The following LHFPL2 variants were observed in gnomAD, a reference collection of about 807,000 sequenced individuals.
The protein encoded by LHFPL2 is LHFPL tetraspan subfamily member 2 protein.
A neutral mutation model predicts 17.5 loss-of-function variants in LHFPL2; 7 were observed. That is an observed-to-expected ratio of 0.40 (90% CI 0.23 to 0.75). The LOEUF (loss-of-function observed/expected upper bound fraction) is 0.75. Among genes scored for constraint, LHFPL2 ranks in the 30% least tolerant of loss-of-function variants. The pLI is 0.37. For synonymous variants in LHFPL2, 134 were observed against 116.2 expected (o/e 1.15, Z -0.99); for missense variants, 241 against 294.8 (o/e 0.82, Z 1.34).
At chr5:78,521,341 G>A (rs1172179679) in intron 3 of LHFPL2, among the ~76,000 whole-genome samples, 1 of 152,204 alleles carries the variant, frequency 6.6e-6, no homozygotes, top group Non-Finnish European at 1.5e-5. Flanking sequence ...GGCAATTTCT[G>A]ATGAGTATTT....
At chr5:78,527,545 T>G (rs2112352429) in intron 3 of LHFPL2, among the ~76,000 whole-genome samples, 1 of 151,978 alleles carries the variant, frequency 6.6e-6, no homozygotes, top group Middle Eastern at 3.4e-3. Flanking sequence ...CAGCCTCCCA[T>G]CTCGTTATTT....
chr5:78,574,824 G>A (rs1037929159), intron 2 of LHFPL2, among the ~76,000 whole-genome samples: 1 of 152,202 alleles, frequency 6.6e-6, no homozygotes, highest in Non-Finnish European at 1.5e-5. Context: ...TGAAGTGAAG[G>A]CTATTCATGC....
intron 2 of LHFPL2, among the ~76,000 whole-genome samples, chr5:78,623,317 T>C (rs1744923745): frequency 6.6e-6 from 1 of 152,218 alleles, no homozygotes; most frequent in Admixed American, 6.5e-5. Context: ...ATCACATTAT[T>C]TTCATTTTAT....
At chr5:78,502,579 G>A (rs1754806375) in intron 4 of LHFPL2, among the ~76,000 whole-genome samples, 3 of 152,156 alleles carry the variant, frequency 2.0e-5, no homozygotes, top group Admixed American at 2.0e-4. Context: ...TCATCAGACA[G>A]GCAGGATCAC....
intron 4 of LHFPL2, among the ~76,000 whole-genome samples, chr5:78,494,158 G>C (rs945794924): frequency 6.6e-6 from 1 of 152,160 alleles, no homozygotes; most frequent in Non-Finnish European, 1.5e-5. Flanking sequence ...TTTGTGTGTT[G>C]TGAAGGGCAA....
At chr5:78,521,348 A>C (rs1188844670) in intron 3 of LHFPL2, among the ~76,000 whole-genome samples, 2 of 152,240 alleles carry the variant, frequency 1.3e-5, no homozygotes, top group East Asian at 3.8e-4. Context: ...TCTGATGAGT[A>C]TTTTTATTAA....
At chr5:78,640,689 A>AG (rs1745632751) in intron 1 of LHFPL2, among the ~76,000 whole-genome samples, 1 of 152,238 alleles carries the variant, frequency 6.6e-6, no homozygotes, top group South Asian at 2.1e-4. Flanking sequence ...TCATAGCCCC[A>AG]TTAAGATAAC....
chr5:78,499,602 G>A (rs1224723496), intron 4 of LHFPL2, among the ~76,000 whole-genome samples: 1 of 152,218 alleles, frequency 6.6e-6, no homozygotes, highest in African/African-American at 2.4e-5. Context: ...AGGAGAGACT[G>A]ATATGCATTC....
At chr5:78,613,701 T>C (rs1744497068) in intron 2 of LHFPL2, among the ~76,000 whole-genome samples, 1 of 152,204 alleles carries the variant, frequency 6.6e-6, no homozygotes, top group Non-Finnish European at 1.5e-5. Context: ...GGACTATCCA[T>C]GTCTATTTCA....
intron 2 of LHFPL2, among the ~76,000 whole-genome samples, chr5:78,618,236 C>T (rs561568304): frequency 1.3e-5 from 2 of 152,088 alleles, no homozygotes; most frequent in Middle Eastern, 3.4e-3. Context: ...GGAAGACCAA[C>T]GAACTGTCTC....
Position 78,487,067 on chromosome 5 carries a change from C to T in LHFPL2, c.*1830G>A, listed in dbSNP as rs1754271629. ...GGTTTCCTAGGCTGCTATGAAGATA[C>T]CCGTTTTTTTCTTCACCAAAATCAC... On this transcript the variant is annotated 3_prime_UTR_variant, in exon 5 of 5. Coordinates refer to ENST00000380345, the MANE Select transcript of LHFPL2 (RefSeq NM_005779.3). 3.3e-5 allele frequency: 5 copies of T among 152,242 alleles called. No individual in the cohort carries two copies. The South Asian group carries it at 1.0e-3, about 32-fold the overall frequency. 9.4% of individuals were successfully genotyped at this position (152,242 alleles called of 1,614,324 possible). A position where few individuals can be genotyped will look rare whatever the true frequency, so the allele number is the denominator to read the frequency against.
At chr5:78,565,959 A>G (rs1756849002) in intron 2 of LHFPL2, among the ~76,000 whole-genome samples, 1 of 152,222 alleles carries the variant, frequency 6.6e-6, no homozygotes, top group African/African-American at 2.4e-5. Context: ...TTTAAAAATG[A>G]TTAGGCTTAT....
chr5:78,513,894 T>C (rs942101688), intron 3 of LHFPL2, among the ~76,000 whole-genome samples: 8 of 152,158 alleles, frequency 5.3e-5, no homozygotes, highest in African/African-American at 1.9e-4. Context: ...ATCAGCAGTG[T>C]AAAAACGGAC....
rs1754350627 is a variant in LHFPL2 at position 78,489,076 on chromosome 5, A to G, written c.508T>C (p.Tyr170His). ...TCTCCAGGTTTGTAGGCAGATGCAT[A>G]ATGTCCACAGTAGTCTATGGCCTTC... The part of the protein sequence containing the change: ...CQKAIDYCGH[Y>H]ASAYKPGDCS... The change falls in exon 5 of 5, where the codon TAT becomes CAT. Residue 170 changes from tyrosine (Y) to histidine (H), a missense_variant. Physicochemically the swap from Tyr to His is moderately conservative, Grantham distance 83. Transcript: ENST00000380345. The G allele has an allele frequency of 3.1e-6, 5 of 1,614,218 alleles. No individual in the cohort carries two copies. The highest frequency in any genetic ancestry group is 4.2e-6 in the Non-Finnish European group (5 of 1,180,030).
chr5:78,538,889 A>G (rs915420246), intron 3 of LHFPL2, among the ~76,000 whole-genome samples: 1 of 152,184 alleles, frequency 6.6e-6, no homozygotes, highest in African/African-American at 2.4e-5. Flanking sequence ...CCTAGCACCA[A>G]CCACACACCA....
chr5:78,507,739 T>C (rs1369313137), intron 4 of LHFPL2, among the ~76,000 whole-genome samples: 3 of 151,946 alleles, frequency 2.0e-5, no homozygotes, highest in African/African-American at 4.8e-5. Flanking sequence ...ATAAAGCCCA[T>C]AATAAAGGCA....
chr5:78,633,931 A>T (rs1317794162), intron 1 of LHFPL2, among the ~76,000 whole-genome samples: 1 of 152,126 alleles, frequency 6.6e-6, no homozygotes, highest in Non-Finnish European at 1.5e-5. Context: ...GTCGCCCTGG[A>T]AGGCTCCATG....
chr5:78,509,733 G>A, intron 4 of LHFPL2, 51 bp downstream of exon 4: 2 of 1,556,346 alleles, frequency 1.3e-6, no homozygotes, highest in Admixed American at 1.7e-5. Context: ...GCGCTGCACC[G>A]GCAGCTCTCC....
intron 2 of LHFPL2, among the ~76,000 whole-genome samples, chr5:78,606,626 A>G (rs1744219871): frequency 6.6e-6 from 1 of 152,204 alleles, no homozygotes; most frequent in Non-Finnish European, 1.5e-5. Context: ...ATCACATAGT[A>G]GCCAACTCCA....
Sources: allele counts gnomAD v4.1 joint callset (sites outside exome capture counted in the v4.1 genomes callset), GRCh38; gene constraint gnomAD v4.1.1; transcripts MANE v1.5; gene names NCBI Gene and HGNC (gene_info 2026-07-23, HGNC 2026-07-21).